The following GALNT13 variants were observed in gnomAD, a reference collection of about 807,000 sequenced individuals.
GALNT13 encodes UDP-GalNAc:polypeptide N-acetylgalactosaminyltransferase 13.
GALNT13 carries 28 observed loss-of-function variants against 64.2 expected under a neutral mutation model. The observed-to-expected ratio is 0.44, with a 90% CI of 0.32 to 0.60. The LOEUF (loss-of-function observed/expected upper bound fraction) is 0.60. GALNT13 is among the 20% of genes least tolerant of loss of function. GALNT13 has a pLI of 0.05. For missense variants in GALNT13, 577 were observed against 669.8 expected (o/e 0.86, Z 1.53); for synonymous variants, 214 against 224.6 (o/e 0.95, Z 0.42).
intron 3 of GALNT13, among the ~76,000 whole-genome samples, chr2:154,087,837 T>G (rs1020909820): frequency 1.4e-5 from 2 of 142,222 alleles, no homozygotes; most frequent in African/African-American, 5.0e-5. Flanking sequence ...CTCACAACTA[T>G]TCATATTTCT....
chr2:154,366,158 C>T (rs150912457), intron 9 of GALNT13, among the ~76,000 whole-genome samples: 1 of 152,120 alleles, frequency 6.6e-6, no homozygotes. Flanking sequence ...TGTCATATCA[C>T]AGCCAGTTAT....
At chr2:154,006,831 C>T (rs1696285779) in intron 3 of GALNT13, among the ~76,000 whole-genome samples, 1 of 152,110 alleles carries the variant, frequency 6.6e-6, no homozygotes, top group South Asian at 2.1e-4. Flanking sequence ...CAATTGATAC[C>T]ACTAAAGTGT....
At chr2:154,031,706 C>T (rs1046629722) in intron 3 of GALNT13, among the ~76,000 whole-genome samples, 5 of 151,636 alleles carry the variant, frequency 3.3e-5, no homozygotes, top group African/African-American at 1.2e-4. Context: ...CACCTTCAGT[C>T]CCAAAAAACT....
intron 9 of GALNT13, among the ~76,000 whole-genome samples, chr2:154,327,478 GTT>G (rs1694939759): frequency 6.6e-6 from 1 of 152,092 alleles, no homozygotes; most frequent in South Asian, 2.1e-4. Flanking sequence ...GTTAACACAG[GTT>G]TGGTGACAGA....
At chr2:153,943,404 T>C (rs928905240) in intron 2 of GALNT13, among the ~76,000 whole-genome samples, 3 of 152,206 alleles carry the variant, frequency 2.0e-5, no homozygotes, top group African/African-American at 4.8e-5. Flanking sequence ...GCTGTGTAAT[T>C]ATTGATCGTG....
chr2:154,189,756 A>G (rs1686467075), intron 4 of GALNT13, among the ~76,000 whole-genome samples: 2 of 152,278 alleles, frequency 1.3e-5, no homozygotes, highest in South Asian at 4.1e-4. Context: ...GTCACTAACC[A>G]CATTTTATTC....
chr2:154,313,232 AT>A (rs999707747), intron 9 of GALNT13, among the ~76,000 whole-genome samples: 1 of 149,186 alleles, frequency 6.7e-6, no homozygotes, highest in African/African-American at 2.5e-5. Flanking sequence ...CACTATATAT[AT>A]ATTTATGCAT....
At chr2:154,049,691 T>C (rs1425711191) in intron 3 of GALNT13, among the ~76,000 whole-genome samples, 1 of 151,710 alleles carries the variant, frequency 6.6e-6, no homozygotes, top group Non-Finnish European at 1.5e-5. Context: ...ACATACTTAA[T>C]AGTTACCACA....
chr2:153,983,486 T>C (rs192603086), intron 3 of GALNT13, among the ~76,000 whole-genome samples: 7 of 152,076 alleles, frequency 4.6e-5, no homozygotes, highest in Admixed American at 2.6e-4. Flanking sequence ...CTTCCACCTC[T>C]TCTCTTCCTT....
the GALNT13 span, among the ~76,000 whole-genome samples, chr2:153,272,373 G>A: frequency 6.6e-6 from 1 of 151,646 alleles, no homozygotes. Context: ...ACTGACAAAG[G>A]GATAGTATCC....
intron 3 of GALNT13, among the ~76,000 whole-genome samples, chr2:154,004,402 C>T (rs1278374097): frequency 6.6e-6 from 1 of 152,038 alleles, no homozygotes; most frequent in Non-Finnish European, 1.5e-5. Flanking sequence ...GAGGGGGTTT[C>T]ACCATGTTAG....
chr2:153,246,045 T>C, the GALNT13 span, among the ~76,000 whole-genome samples: 1 of 151,304 alleles, frequency 6.6e-6, no homozygotes, highest in African/African-American at 2.4e-5. Flanking sequence ...GAAGAAAGAA[T>C]ATCAGAAATT....
At chr2:154,240,723 A>C (rs1043129841) in intron 4 of GALNT13, among the ~76,000 whole-genome samples, 2 of 152,190 alleles carry the variant, frequency 1.3e-5, no homozygotes, top group South Asian at 2.1e-4. Context: ...AACCAGCTCA[A>C]TTAGACCCTC....
chr2:154,421,228 A>T (rs1192152727), intron 11 of GALNT13, among the ~76,000 whole-genome samples: 1 of 152,124 alleles, frequency 6.6e-6, no homozygotes, highest in Non-Finnish European at 1.5e-5. Context: ...AGCACAAAAT[A>T]CATTTTATAT....
the GALNT13 span, among the ~76,000 whole-genome samples, chr2:153,610,193 A>G: frequency 2.0e-5 from 3 of 152,200 alleles, no homozygotes; most frequent in African/African-American, 4.8e-5. Context: ...AGTTAGTGAT[A>G]CAGCCAGTAG....
At chr2:153,214,417 A>G in the GALNT13 span, among the ~76,000 whole-genome samples, 1 of 152,186 alleles carries the variant, frequency 6.6e-6, no homozygotes, top group African/African-American at 2.4e-5. Flanking sequence ...GCCAGGAGGT[A>G]ATAAGAAGCT....
intron 3 of GALNT13, among the ~76,000 whole-genome samples, chr2:153,971,541 C>T (rs1191088576): frequency 1.3e-5 from 2 of 152,022 alleles, no homozygotes; most frequent in African/African-American, 4.8e-5. Context: ...GCTTTTGTTC[C>T]AATAATAATT....
chr2:154,347,878 T>G (rs1696159980), intron 9 of GALNT13, among the ~76,000 whole-genome samples: 3 of 152,166 alleles, frequency 2.0e-5, no homozygotes, highest in Non-Finnish European at 4.4e-5. Context: ...GGATCTGGCT[T>G]CCTTATCCAG....
At chr2:153,161,879 A>G in the GALNT13 span, among the ~76,000 whole-genome samples, 6 of 152,356 alleles carry the variant, frequency 3.9e-5, no homozygotes, top group Admixed American at 6.5e-5. Context: ...GGGTCAGTTT[A>G]TGATACTTGA....
Sources: allele counts gnomAD v4.1 joint callset (sites outside exome capture counted in the v4.1 genomes callset), GRCh38; gene constraint gnomAD v4.1.1; transcripts MANE v1.5; gene names NCBI Gene and HGNC (gene_info 2026-07-23, HGNC 2026-07-21).